FAM3D: variants seen among roughly 807,000 people sequenced by gnomAD.
FAM3D encodes the protein protein FAM3D.
FAM3D carries 26 observed loss-of-function variants against 29.8 expected under a neutral mutation model. The observed-to-expected ratio is 0.87, with a 90% CI of 0.64 to 1.21. The LOEUF (loss-of-function observed/expected upper bound fraction) is 1.21. FAM3D is among the 50% of genes most tolerant of loss of function. The pLI is 0.00. For synonymous variants in FAM3D, 115 were observed against 102.3 expected, an observed-to-expected ratio of 1.12 and a Z score of -0.75; for missense variants, 253 against 290.9, an observed-to-expected ratio of 0.87 and a Z score of 0.95.
At chr3:58,643,766 A>C in intron 5 of FAM3D, 46 bp from the exon 6 acceptor site, 5 of 1,574,924 alleles carry the variant, frequency 3.2e-6, no homozygotes, top group Non-Finnish European at 4.4e-6. Flanking sequence ...CCGAGTGTGG[A>C]ATGAACACTC....
At chr3:58,647,422 T>A (rs531951479) in intron 4 of FAM3D, among the ~76,000 whole-genome samples, 2 of 152,146 alleles carry the variant, frequency 1.3e-5, no homozygotes, top group Non-Finnish European at 2.9e-5. Flanking sequence ...AGCCAGGGCA[T>A]GGCTCCTGGT....
rs764831662 is a variant in FAM3D, at chr3:58,636,314, C to T, written c.565G>A (p.Gly189Ser). The T allele has an allele frequency of 3.1e-6, 5 of 1,614,072 alleles. No individual in the cohort carries two copies. The highest frequency in any genetic ancestry group is 3.4e-6 in the Non-Finnish European group (4 of 1,180,010). The change falls in exon 9 of 10, where the codon GGT (glycine) becomes AGT (serine). Residue 189 changes from glycine (G) to serine (S), a missense_variant. By Grantham distance (56) the Gly-to-Ser change is moderately conservative (BLOSUM62 0). Coordinates refer to ENST00000358781, the MANE Select transcript of FAM3D (RefSeq NM_138805.3). ...CCCACCTGCTCAAAGGGGCTTTTAC[C>T]CCTGAGGTCTTTGGCTCCTATGAAG... is the stretch of plus-strand genomic sequence containing the variant. Reference protein sequence around the residue: ...WVFIGAKDLRGKSPFEQFLKN... With the variant: ...WVFIGAKDLRSKSPFEQFLKN...
At chr3:58,661,056 C>T (rs2066919785) in intron 1 of FAM3D, among the ~76,000 whole-genome samples, 1 of 152,190 alleles carries the variant, frequency 6.6e-6, no homozygotes, top group Non-Finnish European at 1.5e-5. Context: ...TACAACTACT[C>T]AACTCTGCCT....
At chr3:58,641,706 A>G (rs1009605680) in intron 6 of FAM3D, among the ~76,000 whole-genome samples, 8 of 152,182 alleles carry the variant, frequency 5.3e-5, no homozygotes, top group African/African-American at 1.9e-4. Context: ...TACCTGGGAA[A>G]TGGGGATATT....
chr3:58,657,428 G>A (rs2066837951), intron 1 of FAM3D: 1 of 152,192 alleles, frequency 6.6e-6, no homozygotes. Flanking sequence ...GACACAACAA[G>A]TACTTTTAAT....
rs1401161038 is a variant in FAM3D at position 58,659,886 on chromosome 3, G to A, written c.-38-4285C>T. Reference sequence around the variant, plus strand: ...CTCTAGGACCTAACTAGTCTCTTCTGGAAATCCAAGTCCAGCTCTTTTCCT... The same window carrying A: ...CTCTAGGACCTAACTAGTCTCTTCTAGAAATCCAAGTCCAGCTCTTTTCCT... On this transcript the variant is annotated intron_variant, in intron 1 of 9. Coordinates refer to ENST00000358781, the MANE Select transcript of FAM3D (RefSeq NM_138805.3). Among the ~76,000 whole-genome samples, 3 of 152,154 alleles carry A rather than the reference G, an allele frequency of 2.0e-5. No individual in the cohort carries two copies. The East Asian group carries it at 5.8e-4, about 29-fold the overall frequency.
chr3:58,656,229 C>G (rs887799956), intron 1 of FAM3D, among the ~76,000 whole-genome samples: 7 of 152,144 alleles, frequency 4.6e-5, no homozygotes, highest in Non-Finnish European at 7.4e-5. Flanking sequence ...TGACTTTGTG[C>G]CAGGTGCCAT....
At chr3:58,645,691 G>A in intron 4 of FAM3D, 65 bp from the exon 5 acceptor site, 4 of 1,382,828 alleles carry the variant, frequency 2.9e-6, no homozygotes, top group Non-Finnish European at 3.1e-6. Context: ...GAGAAGGAGG[G>A]GAGGGCCAGG....
intron 7 of FAM3D, among the ~76,000 whole-genome samples, chr3:58,639,806 G>A (rs548775315): frequency 2.0e-5 from 3 of 152,196 alleles, no homozygotes; most frequent in Non-Finnish European, 4.4e-5. Flanking sequence ...GAGGAGGGCC[G>A]GGTGGGGTCT....
chr3:58,655,623 G>T, intron 1 of FAM3D, 22 bp from the exon 2 acceptor site: 1 of 1,596,630 alleles, frequency 6.3e-7, no homozygotes, highest in East Asian at 2.2e-5. Flanking sequence ...AGAAAATCCA[G>T]TCGGAAACTG....
At chr3:58,654,450 A>G (rs1465778150) in intron 2 of FAM3D, among the ~76,000 whole-genome samples, 1 of 152,186 alleles carries the variant, frequency 6.6e-6, no homozygotes, top group Non-Finnish European at 1.5e-5. Context: ...CAGCTTCCAG[A>G]CAAGCCACAG....
At chr3:58,654,735 C>T (rs2066740968) in intron 2 of FAM3D, among the ~76,000 whole-genome samples, 1 of 150,588 alleles carries the variant, frequency 6.6e-6, no homozygotes, top group African/African-American at 2.5e-5. Context: ...GAGCCTTGAA[C>T]TAGTCTCTGA....
At chr3:58,660,781 G>A (rs1310052864) in intron 1 of FAM3D, among the ~76,000 whole-genome samples, 8 of 152,060 alleles carry the variant, frequency 5.3e-5, no homozygotes, top group Middle Eastern at 3.2e-3. Flanking sequence ...GACAACAAAC[G>A]CCACATGCCA....
intron 3 of FAM3D, among the ~76,000 whole-genome samples, chr3:58,652,805 C>A (rs1406047756): frequency 6.6e-6 from 1 of 152,058 alleles, no homozygotes; most frequent in Non-Finnish European, 1.5e-5. Flanking sequence ...ATCCATTTAT[C>A]TATCCACCCA....
chr3:58,653,745 A>G lies in FAM3D; in HGVS notation c.50T>C (p.Val17Ala). The part of the protein sequence containing the change: ...LRLLALIFAI[V>A]TTWMFIRSYM... ...GCTTCGAATAAACATCCATGTCGTG[A>G]CTATGGCAAAGATGAGGGCCAGGAG... Residue 17 changes from valine to alanine, a missense_variant, in exon 3 of 10, where the codon GTC becomes GCC. Transcript: ENST00000358781. 1 of 1,614,076 alleles carries G rather than the reference A, an allele frequency of 6.2e-7. No homozygotes were observed. The highest frequency in any genetic ancestry group is 8.5e-7 in the Non-Finnish European group (1 of 1,180,046).
chr3:58,650,858 C>T (rs537458802), intron 3 of FAM3D, among the ~76,000 whole-genome samples: 16 of 152,310 alleles, frequency 1.1e-4, no homozygotes, highest in African/African-American at 3.8e-4. Flanking sequence ...GCTGGGACTA[C>T]AGGCGCCCGC....
At chr3:58,648,502 A>G (rs1559501933) in intron 4 of FAM3D, among the ~76,000 whole-genome samples, 1 of 152,040 alleles carries the variant, frequency 6.6e-6, no homozygotes, top group Non-Finnish European at 1.5e-5. Flanking sequence ...CCCTGGCCAA[A>G]AGATTTCACT....
intron 6 of FAM3D, among the ~76,000 whole-genome samples, chr3:58,642,011 T>A (rs1177936463): frequency 6.6e-6 from 1 of 152,164 alleles, no homozygotes; most frequent in Non-Finnish European, 1.5e-5. Context: ...GGAGTGTTGA[T>A]GTATGCTGAG....
intron 8 of FAM3D, 22 bp downstream of exon 8, chr3:58,637,119 G>A: frequency 6.2e-7 from 1 of 1,604,174 alleles, no homozygotes; most frequent in African/African-American, 1.3e-5. Flanking sequence ...GTGTGGCCTG[G>A]CAGGTAGAGT....
Sources: allele counts gnomAD v4.1 joint callset (sites outside exome capture counted in the v4.1 genomes callset), GRCh38; gene constraint gnomAD v4.1.1; transcripts MANE v1.5; gene names NCBI Gene and HGNC (gene_info 2026-07-23, HGNC 2026-07-21).